Variants in KANK1 observed in about 807,000 individuals in gnomAD.
KANK1 encodes the protein KN motif and ankyrin repeat domains 1.
KANK1 carries 109 observed loss-of-function variants against 106.2 expected under a neutral mutation model. The ratio of observed to expected loss-of-function variants is 1.03; its 90% CI spans 0.88 to 1.20. The LOEUF is 1.20. Among genes scored for constraint, KANK1 ranks in the 50% most tolerant of loss-of-function variants. The pLI is 0.00. For missense variants in KANK1, 2,399 were observed against 1,710.7 expected (o/e 1.40, Z -7.10); for synonymous variants, 873 against 652.2 (o/e 1.34, Z -5.16).
chr9:505,755 C>A (rs1184644511), intron 1 of KANK1, among the ~76,000 whole-genome samples: 1 of 152,212 alleles, frequency 6.6e-6, no homozygotes, highest in Non-Finnish European at 1.5e-5. Flanking sequence ...ATAGTGGATT[C>A]TATTAGACCC....
chr9:685,556 C>T (rs564672366), intron 2 of KANK1: 1 of 152,208 alleles, frequency 6.6e-6, no homozygotes, highest in Non-Finnish European at 1.5e-5. Context: ...TGCCTGATCC[C>T]TGATTTCCCT....
At chr9:617,793 C>G (rs2136300673) in intron 1 of KANK1, among the ~76,000 whole-genome samples, 1 of 152,340 alleles carries the variant, frequency 6.6e-6, no homozygotes, top group African/African-American at 2.4e-5. Flanking sequence ...GCTTCTTCCA[C>G]TTTCCTCTTT....
At chr9:471,263 G>C (rs1237593657) in intron 2 of KANK1, among the ~76,000 whole-genome samples, 1 of 152,176 alleles carries the variant, frequency 6.6e-6, no homozygotes, top group African/African-American at 2.4e-5. Context: ...AGTGGAATGT[G>C]CAGGAAGGGA....
chr9:711,201 A>T lies in KANK1; in HGVS notation c.435A>T (p.Pro145=). The stretch of plus-strand genomic sequence containing the variant: ...ATCGACAGCTGCCACCTCCCTCACC[A>T]CAACTCCCAAAGCATAACCTTCATG... ...PENRQLPPPS[P]QLPKHNLHVT... is the part of the protein sequence containing the mutation. The change falls in exon 3 of 12, where the codon CCA becomes CCT. Residue 145 remains proline, a synonymous_variant. Transcript: ENST00000382297. 6.2e-7 allele frequency: 1 copy of T among 1,614,018 alleles called. No homozygotes were observed. The highest frequency in any genetic ancestry group is 1.1e-5 in the South Asian group (1 of 91,068).
chr9:499,480 T>A (rs1281537943), intron 3 of KANK1, among the ~76,000 whole-genome samples: 1 of 152,226 alleles, frequency 6.6e-6, no homozygotes, highest in African/African-American at 2.4e-5. Context: ...CAATTCCTGC[T>A]GCCACAGTTC....
At chr9:637,324 G>T (rs1466953304) in intron 1 of KANK1, among the ~76,000 whole-genome samples, 1 of 152,108 alleles carries the variant, frequency 6.6e-6, no homozygotes, top group Non-Finnish European at 1.5e-5. Flanking sequence ...CATCATCTGT[G>T]ACAGTACTTT....
chr9:542,640 T>C (rs779690426), intron 1 of KANK1, among the ~76,000 whole-genome samples: 1 of 152,198 alleles, frequency 6.6e-6, no homozygotes, highest in African/African-American at 2.4e-5. Flanking sequence ...AGTCAAGTTA[T>C]GGAGACAGTG....
chr9:707,413 G>GA (rs1824661016), intron 2 of KANK1, among the ~76,000 whole-genome samples: 1 of 152,278 alleles, frequency 6.6e-6, no homozygotes, highest in Admixed American at 6.5e-5. Context: ...CACATCCCGG[G>GA]AGGCCCGGAT....
At chr9:546,635 T>C (rs1563748400) in intron 1 of KANK1, among the ~76,000 whole-genome samples, 2 of 152,112 alleles carry the variant, frequency 1.3e-5, no homozygotes, top group Admixed American at 6.6e-5. Flanking sequence ...TTTATTCTTA[T>C]GTAGCCATTT....
At chr9:523,612 G>A (rs994075896) in intron 1 of KANK1, among the ~76,000 whole-genome samples, 1 of 151,686 alleles carries the variant, frequency 6.6e-6, no homozygotes, top group Non-Finnish European at 1.5e-5. Context: ...CCTCTCCTGT[G>A]CTCGCCCCCA....
intron 6 of KANK1, chr9:733,343 G>C (rs908222001): frequency 6.6e-6 from 1 of 152,234 alleles, no homozygotes; most frequent in African/African-American, 2.4e-5. Context: ...GCAAATGAAA[G>C]TTTAACTGCA....
chr9:713,483 A>T lies in KANK1; in HGVS notation c.2698+19A>T. The stretch of plus-strand genomic sequence containing the variant: ...ATCACAGGTAGGTGGTACCCTGAGG[A>T]CCTGGGAATGAGGAAGGATGGGGGA... On this transcript the variant is annotated intron_variant, in intron 3 of 11. Coordinates refer to ENST00000382297, the MANE Select transcript of KANK1 (RefSeq NM_015158.5). The T allele has an allele frequency of 6.5e-7, 1 of 1,529,300 alleles. No individual in the cohort carries two copies. Among genetic ancestry groups the T allele is most frequent in the Non-Finnish European group, 8.8e-7 (1 of 1,141,390 alleles). 94.7% of individuals were successfully genotyped at this position (1,529,300 alleles called of 1,614,324 possible). A position where few individuals can be genotyped will look rare whatever the true frequency, so the allele number is the denominator to read the frequency against.
intron 1 of KANK1, among the ~76,000 whole-genome samples, chr9:530,187 G>T (rs1352364962): frequency 6.6e-6 from 1 of 152,068 alleles, no homozygotes; most frequent in Non-Finnish European, 1.5e-5. Flanking sequence ...TTTGCAGTTT[G>T]TTCATCTTTT....
intron 1 of KANK1, among the ~76,000 whole-genome samples, chr9:624,260 A>G (rs1306562548): frequency 1.3e-5 from 2 of 152,186 alleles, no homozygotes; most frequent in Non-Finnish European, 2.9e-5. Flanking sequence ...GTCAAAGGGT[A>G]CAAGCTTTCA....
At chr9:579,327 A>T (rs138095584) in intron 1 of KANK1, among the ~76,000 whole-genome samples, 1 of 152,180 alleles carries the variant, frequency 6.6e-6, no homozygotes, top group Non-Finnish European at 1.5e-5. Context: ...GAACAAAACA[A>T]ACTTGGGGAG....
chr9:519,958 C>T (rs1450382160), intron 1 of KANK1, among the ~76,000 whole-genome samples: 1 of 151,742 alleles, frequency 6.6e-6, no homozygotes. Context: ...TCTAGTTATG[C>T]TCAGTGACTT....
At chr9:744,791 G>A (rs774860117) in intron 11 of KANK1, 1 of 1,458,524 alleles carries the variant, frequency 6.9e-7, no homozygotes, top group Non-Finnish European at 9.0e-7. Context: ...GCTGGACCTT[G>A]CTTGTCCTTG....
chr9:512,187 C>A (rs2059058842), intron 1 of KANK1, among the ~76,000 whole-genome samples: 1 of 151,880 alleles, frequency 6.6e-6, no homozygotes, highest in South Asian at 2.1e-4. Context: ...CAGCAGGCTT[C>A]CCTCATGTGT....
At chr9:677,653 C>G (rs1816671799) in intron 2 of KANK1, 1 of 152,156 alleles carries the variant, frequency 6.6e-6, no homozygotes, top group African/African-American at 2.4e-5. Context: ...ACAACCTGCC[C>G]AAAATGGCGT....
Sources: gnomAD v4.1 joint callset for allele counts (sites outside exome capture counted in the v4.1 genomes callset) on GRCh38, gnomAD v4.1.1 for gene constraint, MANE v1.5 for transcripts, NCBI Gene and HGNC (gene_info 2026-07-23, HGNC 2026-07-21) for gene names.